Variants in EPHA5 observed in about 807,000 individuals in gnomAD.
EPHA5 encodes EPH receptor A5.
A neutral mutation model predicts 105.0 loss-of-function variants in EPHA5; 60 were observed. That is an observed-to-expected ratio of 0.57 (90% CI 0.46 to 0.71). The LOEUF (loss-of-function observed/expected upper bound fraction) is 0.71, where lower values mean the gene tolerates loss of function less well. EPHA5 is among the 30% of genes least tolerant of loss of function. EPHA5 has a pLI of 0.00. For synonymous variants in EPHA5, 513 were observed against 449.1 expected, an observed-to-expected ratio of 1.14 and a Z score of -1.80; for missense variants, 1,218 against 1,274.7, an observed-to-expected ratio of 0.96 and a Z score of 0.68.
chr4:65,657,703 A>T (rs534224333), intron 1 of EPHA5, among the ~76,000 whole-genome samples: 60 of 152,094 alleles, frequency 3.9e-4, no homozygotes, highest in Non-Finnish European at 7.1e-4. Flanking sequence ...GTAATGAGGT[A>T]AGACTTGGTG....
chr4:65,647,417 T>G (rs978188289), intron 1 of EPHA5, among the ~76,000 whole-genome samples: 5 of 151,798 alleles, frequency 3.3e-5, no homozygotes, highest in African/African-American at 1.2e-4. Flanking sequence ...ATTACCAAAT[T>G]TATTAAAAAG....
intron 3 of EPHA5, among the ~76,000 whole-genome samples, chr4:65,503,618 T>G: frequency 6.6e-6 from 1 of 151,796 alleles, no homozygotes; most frequent in African/African-American, 2.4e-5. Flanking sequence ...AAAGATAATA[T>G]AATATTTATA....
intron 6 of EPHA5, among the ~76,000 whole-genome samples, chr4:65,418,862 CTTTTTTTTTTTTTTT>C (rs575608289): frequency 4.9e-4 from 23 of 47,070 alleles, no homozygotes; most frequent in African/African-American, 2.2e-3. Context: ...TACCTAAACT[CTTTTTTTTTTTTTTT>C]TTTTTTTTTT....
At chr4:65,645,093 C>A (rs192249867) in intron 1 of EPHA5, among the ~76,000 whole-genome samples, 140 of 152,190 alleles carry the variant, frequency 9.2e-4, no homozygotes, top group African/African-American at 3.3e-3. Context: ...ACTGACCTTG[C>A]AAATCCTGCC....
At chr4:65,512,835 T>C (rs1425924565) in intron 3 of EPHA5, among the ~76,000 whole-genome samples, 2 of 152,068 alleles carry the variant, frequency 1.3e-5, no homozygotes, top group Admixed American at 6.6e-5. Context: ...CACCAAGATA[T>C]CATCAACATG....
chr4:65,330,915 A>G (rs949151276), intron 16 of EPHA5: 2 of 1,040,116 alleles, frequency 1.9e-6, no homozygotes, highest in Non-Finnish European at 2.3e-6. Flanking sequence ...GGTATGAAGG[A>G]AGAGAATGCT....
chr4:65,492,006 G>A (rs993980156), intron 4 of EPHA5, among the ~76,000 whole-genome samples: 4 of 152,152 alleles, frequency 2.6e-5, no homozygotes, highest in African/African-American at 7.2e-5. Context: ...ATAAAATGGA[G>A]TATGGTGGTA....
At chr4:65,468,671 C>T (rs35167636) in intron 5 of EPHA5, among the ~76,000 whole-genome samples, 125,506 of 132,020 alleles carry the variant, frequency 0.95, 59,768 homozygotes, top group East Asian at 1. Flanking sequence ...ATATATATAA[C>T]ATATATACAT....
intron 5 of EPHA5, among the ~76,000 whole-genome samples, chr4:65,470,626 C>T (rs1226297661): frequency 2.6e-5 from 4 of 151,728 alleles, no homozygotes; most frequent in Non-Finnish European, 5.9e-5. Flanking sequence ...TCTTTAAAGG[C>T]GATAAAGTAA....
At chr4:65,340,550 T>C (rs187561995) in intron 14 of EPHA5, among the ~76,000 whole-genome samples, 37 of 152,082 alleles carry the variant, frequency 2.4e-4, no homozygotes, top group Admixed American at 7.9e-4. Context: ...TACCATGACC[T>C]GCCAAGATCA....
intron 1 of EPHA5, among the ~76,000 whole-genome samples, chr4:65,652,905 T>G (rs1748736544): frequency 6.6e-6 from 1 of 152,120 alleles, no homozygotes; most frequent in African/African-American, 2.4e-5. Flanking sequence ...TTTCTTATTT[T>G]TTTATTTTGT....
chr4:65,666,669 T>A (rs1173980432), intron 1 of EPHA5, among the ~76,000 whole-genome samples: 1 of 152,206 alleles, frequency 6.6e-6, no homozygotes, highest in Non-Finnish European at 1.5e-5. Context: ...CTTTCACATG[T>A]AGTTTATGAC....
intron 9 of EPHA5, 120 bp downstream of exon 9, chr4:65,367,235 TTA>T (rs1046479264): frequency 1.8e-5 from 15 of 845,706 alleles, no homozygotes; most frequent in African/African-American, 1.7e-4. Context: ...TAGAACACTT[TTA>T]AAAAAAAAAA....
chr4:65,369,136 G>T (rs1718210128), intron 8 of EPHA5, among the ~76,000 whole-genome samples: 1 of 152,082 alleles, frequency 6.6e-6, no homozygotes, highest in African/African-American at 2.4e-5. Context: ...CCTGGCACCT[G>T]ACTCAGAGTT....
chr4:65,480,126 G>GGAAAGGAAGAGA (rs1219715250), intron 5 of EPHA5, among the ~76,000 whole-genome samples: 2 of 151,834 alleles, frequency 1.3e-5, no homozygotes, highest in African/African-American at 4.8e-5. Context: ...AAGGAAAGAA[G>GGAAAGGAAGAGA]GAAAGGAAGA....
chr4:65,420,476 T>C lies in EPHA5; in HGVS notation c.1492A>G (p.Ile498Val). 2 of 1,611,950 alleles carry C rather than the reference T, an allele frequency of 1.2e-6. No individual in the cohort carries two copies. Among genetic ancestry groups the C allele is most frequent in the South Asian group, 1.1e-5 (1 of 90,848 alleles). The change falls in exon 6 of 17, where the codon ATC (isoleucine) becomes GTC (valine). Residue 498 changes from isoleucine to valine, a missense_variant. Ile to Val is a conservative substitution (Grantham distance 29). Around this residue, in one of 3 missense-constraint regions of EPHA5, gnomAD observed 971 missense variants for 1,013.5 expected, o/e 0.96. Transcript: ENST00000613740. ...SWQEPDRPNG[I>V]ILEYEIKYFE... ...TACTTGATTTCATACTCTAGGATGA[T>C]TCCATTGGGACGATCTGGTTCTTGC...
intron 3 of EPHA5, among the ~76,000 whole-genome samples, chr4:65,591,102 T>C (rs1357663132): frequency 6.6e-6 from 1 of 152,120 alleles, no homozygotes; most frequent in Admixed American, 6.6e-5. Flanking sequence ...TAAATTTTTA[T>C]TAAGGTGATG....
intron 5 of EPHA5, among the ~76,000 whole-genome samples, chr4:65,476,271 T>G (rs2149175152): frequency 6.6e-6 from 1 of 152,104 alleles, no homozygotes; most frequent in Non-Finnish European, 1.5e-5. Flanking sequence ...TTAAAACCAC[T>G]AAAGATTGAA....
intron 2 of EPHA5, among the ~76,000 whole-genome samples, chr4:65,627,400 A>C (rs950853885): frequency 2.0e-5 from 3 of 152,186 alleles, no homozygotes; most frequent in Non-Finnish European, 4.4e-5. Context: ...ATTTAACTTG[A>C]TATTTTCTAG....
Sources: gnomAD v4.1 joint callset for allele counts (sites outside exome capture counted in the v4.1 genomes callset) on GRCh38, gnomAD v4.1.1 for gene constraint, gnomAD v4.1.1 regional missense constraint, MANE v1.5 for transcripts, NCBI Gene and HGNC (gene_info 2026-07-23, HGNC 2026-07-21) for gene names.